Variants in NSMCE2 observed in about 807,000 individuals in gnomAD.
The protein encoded by NSMCE2 is E3 SUMO-protein ligase NSE2.
Under a neutral mutation model 23.8 loss-of-function variants are expected in NSMCE2, and 24 were observed. The observed-to-expected ratio is 1.01, with a 90% confidence interval of 0.73 to 1.42. The LOEUF is 1.42. Ranked by LOEUF, NSMCE2 falls within the 40% of genes most tolerant of loss-of-function variation. The pLI, the probability that NSMCE2 is intolerant of heterozygous loss-of-function variation, is 0.00. For missense variants in NSMCE2, 284 were observed against 296.5 expected (o/e 0.96, Z 0.31); for synonymous variants, 92 against 94.1 (o/e 0.98, Z 0.13).
intron 5 of NSMCE2, among the ~76,000 whole-genome samples, chr8:125,300,120 A>G (rs1211379809): frequency 6.8e-6 from 1 of 147,700 alleles, no homozygotes; most frequent in Admixed American, 6.7e-5. Context: ...CACCTGGACA[A>G]TTTTCGGCTT....
intron 3 of NSMCE2, among the ~76,000 whole-genome samples, chr8:125,130,548 G>A (rs564570584): frequency 1.8e-4 from 28 of 152,094 alleles, no homozygotes; most frequent in African/African-American, 6.7e-4. Context: ...TTTTTCCAAG[G>A]GCCCTGGTTC....
intron 4 of NSMCE2, among the ~76,000 whole-genome samples, chr8:125,168,244 A>T (rs1821997143): frequency 6.6e-6 from 1 of 152,200 alleles, no homozygotes; most frequent in Non-Finnish European, 1.5e-5. Context: ...ATAAATGCTG[A>T]GATGTGCTTA....
chr8:125,300,663 A>C (rs1206648110), intron 5 of NSMCE2, among the ~76,000 whole-genome samples: 4 of 152,204 alleles, frequency 2.6e-5, no homozygotes, highest in Non-Finnish European at 4.4e-5. Flanking sequence ...GTCTGTGGGC[A>C]GTGGAGTAGG....
intron 5 of NSMCE2, among the ~76,000 whole-genome samples, chr8:125,329,428 CT>C (rs1337589725): frequency 1.3e-5 from 2 of 152,194 alleles, no homozygotes; most frequent in African/African-American, 4.8e-5. Flanking sequence ...ATCCTGTTTC[CT>C]TTCTTTTTAG....
At chr8:125,326,150 G>A (rs371803054) in intron 5 of NSMCE2, among the ~76,000 whole-genome samples, 11 of 151,872 alleles carry the variant, frequency 7.2e-5, no homozygotes, top group Admixed American at 4.6e-4. Context: ...CCAGCTACTC[G>A]GGAGGCTGAA....
At chr8:125,164,003 G>C (rs1821751540) in intron 4 of NSMCE2, among the ~76,000 whole-genome samples, 1 of 152,200 alleles carries the variant, frequency 6.6e-6, no homozygotes, top group African/African-American at 2.4e-5. Flanking sequence ...CTTAGCCCAG[G>C]TCTGGATAAG....
At position 125,272,748 on chromosome 8, in the gene NSMCE2, T is replaced by C. The variant is rs113373442; in HGVS notation, c.419-84471T>C. On this transcript the variant is annotated intron_variant, in intron 5 of 7. Coordinates refer to ENST00000287437, the MANE Select transcript of NSMCE2 (RefSeq NM_173685.4). Reference sequence around the variant, plus strand: ...ATATATACACACACACACATATATATACACACGTATATATATATACACACA... The same window carrying C: ...ATATATACACACACACACATATATACACACACGTATATATATATACACACA... Among the ~76,000 whole-genome samples the C allele has an allele frequency of 4.3e-5, 6 of 140,858 alleles. No homozygotes were observed. The South Asian group carries it at 6.5e-4, about 15-fold the overall frequency. The allele number at this position is 140,858 out of a possible 152,430, so 92.4% of individuals were successfully genotyped here.
intron 4 of NSMCE2, among the ~76,000 whole-genome samples, chr8:125,169,516 A>G (rs1189783619): frequency 6.6e-6 from 1 of 152,136 alleles, no homozygotes; most frequent in Non-Finnish European, 1.5e-5. Flanking sequence ...AGTTTCTCCT[A>G]TCAGAAATCT....
chr8:125,267,085 A>G (rs1009921999), intron 5 of NSMCE2, among the ~76,000 whole-genome samples: 1 of 147,070 alleles, frequency 6.8e-6, no homozygotes, highest in African/African-American at 2.5e-5. Context: ...GCCTACTGCA[A>G]CCTGTACCTC....
chr8:125,221,578 C>T (rs958774554), intron 5 of NSMCE2, among the ~76,000 whole-genome samples: 1 of 152,154 alleles, frequency 6.6e-6, no homozygotes, highest in East Asian at 1.9e-4. Context: ...TTATAGGTTG[C>T]GTATCACTTA....
intron 5 of NSMCE2, among the ~76,000 whole-genome samples, chr8:125,316,556 T>G (rs896726767): frequency 7.9e-5 from 12 of 152,200 alleles, no homozygotes; most frequent in African/African-American, 1.9e-4. Context: ...CTGTCTGTCT[T>G]TCTTTCTTTC....
intron 5 of NSMCE2, among the ~76,000 whole-genome samples, chr8:125,246,851 T>G (rs962370111): frequency 3.3e-5 from 5 of 152,170 alleles, no homozygotes; most frequent in Non-Finnish European, 7.4e-5. Flanking sequence ...ACAATCAAGG[T>G]AATTAACATA....
At chr8:125,123,053 A>G (rs911097749) in intron 3 of NSMCE2, among the ~76,000 whole-genome samples, 8 of 152,218 alleles carry the variant, frequency 5.3e-5, no homozygotes, top group Non-Finnish European at 1.0e-4. Context: ...AAAATTTCAT[A>G]AAATCAAAAT....
At chr8:125,321,877 T>G (rs1476389607) in intron 5 of NSMCE2, among the ~76,000 whole-genome samples, 1 of 152,218 alleles carries the variant, frequency 6.6e-6, no homozygotes, top group Non-Finnish European at 1.5e-5. Context: ...TCTTTAAACT[T>G]TAGCCATCCT....
chr8:125,163,991 G>C (rs1347811089), intron 4 of NSMCE2, among the ~76,000 whole-genome samples: 1 of 152,214 alleles, frequency 6.6e-6, no homozygotes, highest in African/African-American at 2.4e-5. Flanking sequence ...TATGTTGGAG[G>C]CCTTAGCCCA....
intron 5 of NSMCE2, among the ~76,000 whole-genome samples, chr8:125,242,918 C>G (rs1040249768): frequency 2.0e-5 from 3 of 152,078 alleles, no homozygotes; most frequent in African/African-American, 7.3e-5. Flanking sequence ...CTTTAAGCTG[C>G]AGTCACTTTT....
chr8:125,141,587 G>A (rs1388749454), intron 3 of NSMCE2, among the ~76,000 whole-genome samples: 5 of 152,192 alleles, frequency 3.3e-5, no homozygotes, highest in Non-Finnish European at 7.4e-5. Context: ...GGTGCAGGGT[G>A]CCTGGCACAG....
chr8:125,301,689 C>G lies in NSMCE2; in HGVS notation c.419-55530C>G, dbSNP rs1828571137. Reference sequence around the variant, plus strand: ...TTTTTTTTTGAGACAGAGTCTCCCTCTGTCACCTAGGCTGGAGGGCTGGAG... The same window carrying G: ...TTTTTTTTTGAGACAGAGTCTCCCTGTGTCACCTAGGCTGGAGGGCTGGAG... On this transcript the variant is annotated intron_variant, in intron 5 of 7. Coordinates refer to ENST00000287437, the MANE Select transcript of NSMCE2 (RefSeq NM_173685.4). 2.1e-5 allele frequency among the ~76,000 whole-genome samples: 3 copies of G among 143,316 alleles called. No homozygotes were observed. The South Asian group carries it at 6.6e-4, about 32-fold the overall frequency. 94.0% of individuals were successfully genotyped at this position (143,316 alleles called of 152,430 possible).
chr8:125,195,563 G>A (rs959633291), intron 5 of NSMCE2, among the ~76,000 whole-genome samples: 2 of 152,048 alleles, frequency 1.3e-5, no homozygotes, highest in Non-Finnish European at 2.9e-5. Context: ...ATATCTCAGA[G>A]CCTCATTTTG....
Sources: allele counts gnomAD v4.1 joint callset (sites outside exome capture counted in the v4.1 genomes callset), GRCh38; gene constraint gnomAD v4.1.1; transcripts MANE v1.5; gene names NCBI Gene and HGNC (gene_info 2026-07-23, HGNC 2026-07-21).